The following CHST11 variants were observed in gnomAD, a reference collection of about 807,000 sequenced individuals.
The protein encoded by CHST11 is carbohydrate sulfotransferase 11, also known as C4S-1.
CHST11 carries 9 observed loss-of-function variants against 30.4 expected under a neutral mutation model. That is an observed-to-expected ratio of 0.30 (90% CI 0.18 to 0.52). The LOEUF (loss-of-function observed/expected upper bound fraction) is 0.52, where lower values mean the gene tolerates loss of function less well. Among genes scored for constraint, CHST11 ranks in the 20% least tolerant of loss-of-function variants. The pLI is 0.97. For synonymous variants in CHST11, 152 were observed against 187.8 expected (o/e 0.81, Z 1.56); for missense variants, 348 against 460.6 (o/e 0.76, Z 2.24).
intron 1 of CHST11, chr12:104,552,872 A>G (rs2038418253): frequency 6.6e-6 from 1 of 152,222 alleles, no homozygotes; most frequent in African/African-American, 2.4e-5. Context: ...GGCCGAGCCT[A>G]GCAGGATGCC....
chr12:104,661,727 T>G (rs2039600699), intron 2 of CHST11, among the ~76,000 whole-genome samples: 1 of 152,200 alleles, frequency 6.6e-6, no homozygotes, highest in Non-Finnish European at 1.5e-5. Context: ...GTGGTGAAGG[T>G]GCTCCTGTCT....
chr12:104,579,883 G>A lies in CHST11; in HGVS notation c.119-22023G>A, dbSNP rs114902602. On this transcript the variant is annotated intron_variant, in intron 1 of 2. Transcript: ENST00000303694. ...TAGCAGTATCAAGATGACCAGAAGT[G>A]ATGCATTGGATCCTCTGCTGCTTCT... is the stretch of plus-strand genomic sequence containing the variant. Among the ~76,000 whole-genome samples, 197 of 152,338 alleles carry A rather than the reference G, an allele frequency of 1.3e-3. 2 individuals carry two copies. Among genetic ancestry groups the A allele is most frequent in the African/African-American group, 4.4e-3 (182 of 41,588 alleles).
intron 2 of CHST11, among the ~76,000 whole-genome samples, chr12:104,741,442 T>A (rs2040346208): frequency 6.6e-6 from 1 of 152,106 alleles, no homozygotes; most frequent in Non-Finnish European, 1.5e-5. Flanking sequence ...AATGGAGAAA[T>A]CGGGTATTGT....
chr12:104,754,127 G>T (rs558429267), intron 2 of CHST11, among the ~76,000 whole-genome samples: 109 of 152,254 alleles, frequency 7.2e-4, no homozygotes, highest in African/African-American at 2.5e-3. Context: ...TTCCAAGCTG[G>T]GAAACTCCAG....
intron 2 of CHST11, among the ~76,000 whole-genome samples, chr12:104,720,539 C>T (rs759604808): frequency 3.9e-5 from 6 of 152,180 alleles, no homozygotes; most frequent in Non-Finnish European, 5.9e-5. Flanking sequence ...CCGGGGTCTC[C>T]CCAGGACCAC....
rs551694850 is a variant in CHST11, at chr12:104,575,706, A to G, written c.119-26200A>G. Among the ~76,000 whole-genome samples, 3 of 152,032 alleles carry G rather than the reference A, an allele frequency of 2.0e-5. No individual in the cohort carries two copies. In the South Asian group the frequency reaches 6.2e-4, roughly 32 times the overall value. Reference sequence around the variant, plus strand: ...CCTGCATGAGCCAGCTGTCAGGGTAAAGGATGCCGAGCCACAGAGTGGTCC... The same window carrying G: ...CCTGCATGAGCCAGCTGTCAGGGTAGAGGATGCCGAGCCACAGAGTGGTCC... On this transcript the variant is annotated intron_variant, in intron 1 of 2. Transcript: ENST00000303694.
chr12:104,466,445 G>A (rs1046657369), intron 1 of CHST11, among the ~76,000 whole-genome samples: 4 of 152,328 alleles, frequency 2.6e-5, no homozygotes, highest in Middle Eastern at 3.4e-3. Flanking sequence ...ACCCTATAAT[G>A]CTGTTGCAAA....
At chr12:104,579,179 C>T (rs1477875721) in intron 1 of CHST11, among the ~76,000 whole-genome samples, 2 of 152,174 alleles carry the variant, frequency 1.3e-5, no homozygotes, top group Non-Finnish European at 2.9e-5. Flanking sequence ...GGGTCTGTTT[C>T]CCCTCCTCCA....
intron 2 of CHST11, among the ~76,000 whole-genome samples, chr12:104,635,734 C>T (rs1232713445): frequency 6.6e-6 from 1 of 152,182 alleles, no homozygotes; most frequent in Non-Finnish European, 1.5e-5. Flanking sequence ...TCCAAAGAAG[C>T]AAATTAGGGA....
At chr12:104,737,882 C>G (rs976242757) in intron 2 of CHST11, among the ~76,000 whole-genome samples, 19 of 152,114 alleles carry the variant, frequency 1.2e-4, no homozygotes, top group Admixed American at 1.2e-3. Flanking sequence ...GCTGGGTGGC[C>G]TGTCCCCAGC....
At chr12:104,748,902 G>A (rs2040409186) in intron 2 of CHST11, among the ~76,000 whole-genome samples, 1 of 152,288 alleles carries the variant, frequency 6.6e-6, no homozygotes, top group African/African-American at 2.4e-5. Context: ...TAACGTTCAT[G>A]TAGGCTCAAG....
At position 104,757,311 on chromosome 12, in the gene CHST11, C is replaced by T. The variant is rs773737557; in HGVS notation, c.567C>T (p.Phe189=). ...AGTTCCTGTTTGTCCGGGAGCCCTTCGAGAGGCTAGTGTCCGCCTACCGCA... is the reference window on the plus strand; with the variant it reads ...AGTTCCTGTTTGTCCGGGAGCCCTTTGAGAGGCTAGTGTCCGCCTACCGCA... The part of the protein sequence containing the change: ...YMKFLFVREP[F]ERLVSAYRNK... Residue 189 remains phenylalanine (F), a synonymous_variant, in exon 3 of 3, where the codon TTC becomes TTT. Coordinates refer to ENST00000303694, the MANE Select transcript of CHST11 (RefSeq NM_018413.6). This position sits in a 1 kb window ranked among gnomAD's most constrained non-coding sequence, Gnocchi z 6.5. 7 of 1,613,990 alleles carry T rather than the reference C, an allele frequency of 4.3e-6. No homozygotes were observed. In the Admixed American group the frequency reaches 6.7e-5, roughly 15 times the overall value.
At chr12:104,504,614 T>A (rs2037885038) in intron 1 of CHST11, among the ~76,000 whole-genome samples, 1 of 152,184 alleles carries the variant, frequency 6.6e-6, no homozygotes, top group South Asian at 2.1e-4. Flanking sequence ...CGTCTAGTGA[T>A]TCCTAAAAGC....
At chr12:104,681,401 C>T (rs762428401) in intron 2 of CHST11, among the ~76,000 whole-genome samples, 2 of 152,114 alleles carry the variant, frequency 1.3e-5, no homozygotes, top group Non-Finnish European at 2.9e-5. Flanking sequence ...TCTATAGAGA[C>T]AGAAACTAGA....
At chr12:104,636,223 A>G (rs1270807839) in intron 2 of CHST11, among the ~76,000 whole-genome samples, 1 of 152,184 alleles carries the variant, frequency 6.6e-6, no homozygotes, top group Non-Finnish European at 1.5e-5. Flanking sequence ...GTGTCCTCAG[A>G]CATCCCGCTC....
intron 1 of CHST11, among the ~76,000 whole-genome samples, chr12:104,489,170 G>A (rs1204343681): frequency 6.6e-6 from 1 of 152,046 alleles, no homozygotes; most frequent in African/African-American, 2.4e-5. Flanking sequence ...CCAAGTAGCT[G>A]GGATTACAGG....
chr12:104,680,435 C>T (rs777961910), intron 2 of CHST11, among the ~76,000 whole-genome samples: 3 of 152,176 alleles, frequency 2.0e-5, no homozygotes, highest in Non-Finnish European at 2.9e-5. Context: ...GGGATGGGGA[C>T]GGACATGTGG....
chr12:104,595,886 T>G (rs10861248), intron 1 of CHST11, among the ~76,000 whole-genome samples: 43,074 of 152,202 alleles, frequency 0.28, 6,247 homozygotes, highest in African/African-American at 0.34. Flanking sequence ...TCCTTCCAAA[T>G]GGTGTTGCTG....
intron 1 of CHST11, among the ~76,000 whole-genome samples, chr12:104,478,563 A>G (rs2037587559): frequency 1.3e-5 from 2 of 152,192 alleles, no homozygotes; most frequent in African/African-American, 4.8e-5. Context: ...ATAGCTGTCT[A>G]TTAGGTTTCC....
Sources: gnomAD v4.1 joint callset for allele counts (sites outside exome capture counted in the v4.1 genomes callset) on GRCh38, gnomAD v4.1.1 for gene constraint, Gnocchi (gnomAD v3.1) non-coding constraint, MANE v1.5 for transcripts, NCBI Gene and HGNC (gene_info 2026-07-23, HGNC 2026-07-21) for gene names.